The following TMEM143 variants were observed in gnomAD, a reference collection of about 807,000 sequenced individuals.
The protein encoded by TMEM143 is transmembrane protein 143.
A neutral mutation model predicts 40.3 loss-of-function variants in TMEM143; 45 were observed. The ratio of observed to expected loss-of-function variants is 1.12; its 90% CI spans 0.88 to 1.43. The LOEUF (loss-of-function observed/expected upper bound fraction) is 1.43. Among genes scored for constraint, TMEM143 ranks in the 40% most tolerant of loss-of-function variants. TMEM143 has a pLI of 0.00. For synonymous variants in TMEM143, 299 were observed against 282.7 expected (o/e 1.06, Z -0.58); for missense variants, 620 against 613.4 (o/e 1.01, Z -0.11).
intron 3 of TMEM143, among the ~76,000 whole-genome samples, chr19:48,356,429 C>CTT (rs34945058): frequency 0.22 from 25,559 of 118,414 alleles, 3,610 homozygotes; most frequent in Non-Finnish European, 0.29. Context: ...CCCGGCCCTC[C>CTT]TTTTTTTTTT....
intron 2 of TMEM143, 28 bp downstream of exon 2, chr19:48,363,263 A>G: frequency 6.3e-7 from 1 of 1,595,206 alleles, no homozygotes. Flanking sequence ...CGTAGTCCCC[A>G]GGCTCTTGGG....
intron 6 of TMEM143, among the ~76,000 whole-genome samples, chr19:48,337,288 C>T (rs1390208803): frequency 6.6e-6 from 1 of 152,088 alleles, no homozygotes; most frequent in Admixed American, 6.6e-5. Context: ...GTGGCTCACG[C>T]CTGTAATCCC....
chr19:48,362,700 C>T (rs993321923), intron 2 of TMEM143, among the ~76,000 whole-genome samples: 1 of 152,108 alleles, frequency 6.6e-6, no homozygotes, highest in Non-Finnish European at 1.5e-5. Flanking sequence ...TAGGGTCAAG[C>T]GAGTGCCCTA....
intron 3 of TMEM143, among the ~76,000 whole-genome samples, chr19:48,350,139 C>G (rs1426167671): frequency 6.6e-6 from 1 of 150,626 alleles, no homozygotes; most frequent in Non-Finnish European, 1.5e-5. Flanking sequence ...TAGCTGGGAT[C>G]ACAGGAGCCC....
At chr19:48,335,452 C>G (rs1446761977) in intron 6 of TMEM143, among the ~76,000 whole-genome samples, 1 of 152,114 alleles carries the variant, frequency 6.6e-6, no homozygotes, top group Non-Finnish European at 1.5e-5. Context: ...AGGCTGGGCT[C>G]AGTGGCTCAC....
intron 2 of TMEM143, among the ~76,000 whole-genome samples, chr19:48,362,299 G>A (rs529888738): frequency 6.6e-6 from 1 of 152,268 alleles, no homozygotes; most frequent in South Asian, 2.1e-4. Context: ...CAGCACTTTG[G>A]GAAGCCAAGA....
In TMEM143 at chr19:48,360,114, G is replaced by T; in HGVS notation, c.327C>A (p.Phe109Leu). 1 of 1,614,172 alleles carries T rather than the reference G, an allele frequency of 6.2e-7. No individual in the cohort carries two copies. ...TTTGGTGGTAGTGGAACAGGGTGCAGAAGTCCACGTGGGCCGAGAACGCCT... is the reference window on the plus strand; with the variant it reads ...TTTGGTGGTAGTGGAACAGGGTGCATAAGTCCACGTGGGCCGAGAACGCCT... Reference protein sequence around the residue: ...ALEAFSAHVDFCTLFHYHQIL... With the variant: ...ALEAFSAHVDLCTLFHYHQIL... The change falls in exon 3 of 8, where the codon TTC (phenylalanine) becomes TTA (leucine). Residue 109 changes from phenylalanine to leucine, a missense_variant. Phe to Leu is a conservative substitution (Grantham distance 22). Coordinates refer to ENST00000293261, the MANE Select transcript of TMEM143 (RefSeq NM_018273.4).
At chr19:48,360,434 C>A (rs546829932) in intron 2 of TMEM143, 2 of 378,000 alleles carry the variant, frequency 5.3e-6, no homozygotes, top group Non-Finnish European at 9.9e-6. Context: ...AAAAATTAGC[C>A]GGGCGTGATG....
chr19:48,359,256 T>G (rs1969977355), intron 3 of TMEM143, among the ~76,000 whole-genome samples: 1 of 151,858 alleles, frequency 6.6e-6, no homozygotes. Flanking sequence ...CCATCCCCTC[T>G]GCCCTCATAT....
In TMEM143 at chr19:48,352,136, A is replaced by G. The variant is rs186394816; in HGVS notation, c.370-6782T>C. Among the ~76,000 whole-genome samples the G allele has an allele frequency of 5.9e-3, 871 of 148,750 alleles. 7 individuals carry two copies. The highest frequency in any genetic ancestry group is 0.021 in the African/African-American group (838 of 40,588). ...GTGGTGGGCGCCTGTAGTCCCAGCT[A>G]CTCGGGAGGCTGAGGCAGGAGAATG... On this transcript the variant is annotated intron_variant, in intron 3 of 7. Coordinates refer to ENST00000293261, the MANE Select transcript of TMEM143 (RefSeq NM_018273.4).
At chr19:48,352,693 T>G (rs1186312687) in intron 3 of TMEM143, among the ~76,000 whole-genome samples, 6 of 151,960 alleles carry the variant, frequency 3.9e-5, no homozygotes, top group African/African-American at 1.4e-4. Flanking sequence ...GAGAATCACT[T>G]GAACCCAAGA....
chr19:48,342,610 C>A lies in TMEM143; in HGVS notation c.895G>T (p.Val299Leu). ...GCCACCTTGAGGTCGGTTAGCACCA[C>A]CATGCCCACGTTGACGAAGATCGCC... ...GVAIFVNVGM[V>L]VLTDLKVATS... Residue 299 changes from valine (V) to leucine (L), a missense_variant, in exon 6 of 8, where the codon GTG becomes TTG. Physicochemically the swap from Val to Leu is conservative, Grantham distance 32. Transcript: ENST00000293261. 2 of 1,613,836 alleles carry A rather than the reference C, an allele frequency of 1.2e-6. No individual in the cohort carries two copies. The highest frequency in any genetic ancestry group is 1.7e-6 in the Non-Finnish European group (2 of 1,179,994).
rs574552772 is a variant in TMEM143 at position 48,362,953 on chromosome 19, G to A, written c.264+338C>T. Among the ~76,000 whole-genome samples, 43 of 152,340 alleles carry A rather than the reference G, an allele frequency of 2.8e-4. 1 individual carries two copies. Among genetic ancestry groups the A allele is most frequent in the African/African-American group, 1.0e-3 (42 of 41,572 alleles). On this transcript the variant is annotated intron_variant, in intron 2 of 7. Transcript: ENST00000293261. ...TGATAATAATTATGATTACAGCGTT[G>A]TGACTTTATAGGTACAATTATTATC...
rs1169569766 is a variant in TMEM143 at position 48,346,918 on chromosome 19, G to C, written c.370-1564C>G. Among the ~76,000 whole-genome samples the C allele has an allele frequency of 2.6e-5, 4 of 152,064 alleles. No individual in the cohort carries two copies. The East Asian group carries it at 7.7e-4, about 29-fold the overall frequency. On this transcript the variant is annotated intron_variant, in intron 3 of 7. Coordinates refer to ENST00000293261, the MANE Select transcript of TMEM143 (RefSeq NM_018273.4). ...TCAACCAGTATCCACATGGCCATTGGGAAGAACTTACTGAGGCTGTAAACA... is the reference window on the plus strand; with the variant it reads ...TCAACCAGTATCCACATGGCCATTGCGAAGAACTTACTGAGGCTGTAAACA...
Position 48,334,128 on chromosome 19 carries a change from T to C in TMEM143, c.1045A>G (p.Asn349Asp), listed in dbSNP as rs1340447977. The C allele has an allele frequency of 1.2e-6, 2 of 1,607,116 alleles. No homozygotes were observed. Among genetic ancestry groups the C allele is most frequent in the Non-Finnish European group, 1.7e-6 (2 of 1,177,424 alleles). Reference protein sequence around the residue: ...AHMLYYRSTSNNSELLSALAL... With the variant: ...AHMLYYRSTSDNSELLSALAL... ...AGGGCGCTGAGCAGCTCCGAGTTGT[T>C]GGACGTACTGCGATAGTACAGCATG... The change falls in exon 7 of 8, where the codon AAC becomes GAC. Residue 349 changes from asparagine (N) to aspartate (D), a missense_variant. Coordinates refer to ENST00000293261, the MANE Select transcript of TMEM143 (RefSeq NM_018273.4).
chr19:48,360,823 G>A (rs1378837893), intron 2 of TMEM143, among the ~76,000 whole-genome samples: 1 of 152,050 alleles, frequency 6.6e-6, no homozygotes, highest in African/African-American at 2.4e-5. Context: ...GTCTCGTTCT[G>A]TCACCCAGGC....
chr19:48,343,091 T>C, intron 5 of TMEM143: 1 of 703,034 alleles, frequency 1.4e-6, no homozygotes, highest in African/African-American at 1.8e-5. Flanking sequence ...TCAGTTTTCC[T>C]TATTGGAAAA....
chr19:48,334,394 TTTTCTTTTTC>T (rs1206514900), intron 6 of TMEM143, among the ~76,000 whole-genome samples, 197 bp from the exon 7 acceptor site: 34 of 147,732 alleles, frequency 2.3e-4, no homozygotes. Flanking sequence ...GGGGTCTGTC[TTTTCTTTTTC>T]TTTCTTTTTC....
chr19:48,349,385 G>C (rs966334009), intron 3 of TMEM143, among the ~76,000 whole-genome samples: 5 of 152,200 alleles, frequency 3.3e-5, no homozygotes, highest in African/African-American at 1.2e-4. Flanking sequence ...GCTCACGCCT[G>C]TAATCCCAAC....
Sources: allele counts gnomAD v4.1 joint callset (sites outside exome capture counted in the v4.1 genomes callset), GRCh38; gene constraint gnomAD v4.1.1; transcripts MANE v1.5; gene names NCBI Gene and HGNC (gene_info 2026-07-23, HGNC 2026-07-21).